Variants in TSHZ2 observed in about 807,000 individuals in gnomAD.
TSHZ2 encodes the protein teashirt zinc finger homeobox 2.
A neutral mutation model predicts 74.4 loss-of-function variants in TSHZ2; 21 were observed. The ratio of observed to expected loss-of-function variants is 0.28; its 90% confidence interval spans 0.20 to 0.41. TSHZ2 has a LOEUF of 0.41. Ranked by LOEUF, TSHZ2 falls within the 10% of genes least tolerant of loss-of-function variation. TSHZ2 has a pLI of 1.00. For synonymous variants in TSHZ2, 540 were observed against 515.3 expected (o/e 1.05, Z -0.65); for missense variants, 1,244 against 1,293.5 (o/e 0.96, Z 0.59).
At chr20:53,115,533 A>G (rs946123653) in intron 1 of TSHZ2, among the ~76,000 whole-genome samples, 7 of 152,174 alleles carry the variant, frequency 4.6e-5, no homozygotes, top group Non-Finnish European at 1.0e-4. Context: ...GAGTCCGTTA[A>G]CCCTCTTTCC....
intron 2 of TSHZ2, among the ~76,000 whole-genome samples, chr20:53,450,781 C>T (rs952271086): frequency 3.3e-4 from 50 of 152,196 alleles, no homozygotes; most frequent in African/African-American, 1.2e-3. Flanking sequence ...CTTGGCCTCT[C>T]AAAGTGCTGG....
intron 2 of TSHZ2, among the ~76,000 whole-genome samples, chr20:53,289,692 G>T (rs539999161): frequency 4.6e-5 from 7 of 152,322 alleles, no homozygotes; most frequent in African/African-American, 1.7e-4. Context: ...GTCTGAGAAA[G>T]GGATGTCTGA....
intron 1 of TSHZ2, among the ~76,000 whole-genome samples, chr20:53,222,036 C>T (rs1003739927): frequency 6.6e-6 from 1 of 152,010 alleles, no homozygotes; most frequent in Non-Finnish European, 1.5e-5. Context: ...GATACATGTC[C>T]CTAAGTATTT....
chr20:53,013,415 G>A (rs1182070371), intron 1 of TSHZ2, among the ~76,000 whole-genome samples: 5 of 152,036 alleles, frequency 3.3e-5, no homozygotes, highest in African/African-American at 9.7e-5. Context: ...TAGAGACAAG[G>A]TACTAAAGAA....
intron 2 of TSHZ2, among the ~76,000 whole-genome samples, chr20:53,362,547 C>G (rs1377955932): frequency 6.6e-6 from 1 of 152,146 alleles, no homozygotes; most frequent in East Asian, 1.9e-4. Context: ...TGAGGGAAGA[C>G]TGTACTTCGT....
intron 1 of TSHZ2, among the ~76,000 whole-genome samples, chr20:53,050,465 T>G (rs1387072304): frequency 2.6e-5 from 4 of 152,166 alleles, no homozygotes; most frequent in Admixed American, 2.6e-4. Flanking sequence ...TTTCTCTTGA[T>G]TGTGTTGATT....
intron 2 of TSHZ2, among the ~76,000 whole-genome samples, chr20:53,338,268 G>A (rs1187234821): frequency 6.6e-6 from 1 of 152,158 alleles, no homozygotes; most frequent in African/African-American, 2.4e-5. Context: ...GGGCTGGGTT[G>A]GAGGAGGATT....
At position 53,256,433 on chromosome 20, in the gene TSHZ2, C is replaced by G. The variant is rs1990485212; in HGVS notation, c.2975C>G (p.Ser992Cys). Residue 992 changes from serine to cysteine, a missense_variant, in exon 2 of 3, where the codon TCT (serine) becomes TGT (cysteine). Around this residue, in one of 6 missense-constraint regions of TSHZ2, gnomAD observed 185 missense variants for 213.3 expected, o/e 0.87. Coordinates refer to ENST00000371497, the MANE Select transcript of TSHZ2 (RefSeq NM_173485.6). This position sits in a 1 kb window ranked among gnomAD's most constrained non-coding sequence, Gnocchi z 4.3. ...ATAGCTGCCGAAGAGGACACAGACT[C>G]TAAATTCAAGTGTAAGTTGTGCTGT... ...ETIAAEEDTD[S>C]KFKCKLCCRT... 6.2e-7 allele frequency: 1 copy of G among 1,614,112 alleles called. No individual in the cohort carries two copies. Among genetic ancestry groups the G allele is most frequent in the Non-Finnish European group, 8.5e-7 (1 of 1,179,982 alleles).
At position 53,084,637 on chromosome 20, in the gene TSHZ2, C is replaced by G. The variant is rs1045900347; in HGVS notation, c.40+111304C>G. The stretch of plus-strand genomic sequence containing the variant: ...TTCCAACCAAACTTCCTCCCTCCCT[C>G]CCTCCCTCTCTCCCTCTCTCCTTCT... On this transcript the variant is annotated intron_variant, in intron 1 of 2. Transcript: ENST00000371497. Among the ~76,000 whole-genome samples, 14 of 116,876 alleles carry G rather than the reference C, an allele frequency of 1.2e-4. 1 individual carries two copies. Among genetic ancestry groups the G allele is most frequent in the African/African-American group, 4.6e-4 (14 of 30,566 alleles). 76.7% of individuals were successfully genotyped at this position (116,876 alleles called of 152,430 possible).
At chr20:53,388,818 A>T (rs1158301766) in intron 2 of TSHZ2, among the ~76,000 whole-genome samples, 2 of 151,980 alleles carry the variant, frequency 1.3e-5, no homozygotes, top group African/African-American at 4.8e-5. Flanking sequence ...CCTGACCTCA[A>T]GTGATCTGCC....
At chr20:53,031,465 G>C (rs1024851946) in intron 1 of TSHZ2, among the ~76,000 whole-genome samples, 1 of 152,188 alleles carries the variant, frequency 6.6e-6, no homozygotes, top group Non-Finnish European at 1.5e-5. Context: ...AACAGTTGAA[G>C]AATTTCAGAT....
intron 1 of TSHZ2, among the ~76,000 whole-genome samples, chr20:53,202,367 G>T (rs893838621): frequency 6.6e-6 from 1 of 152,142 alleles, no homozygotes; most frequent in Non-Finnish European, 1.5e-5. Flanking sequence ...TGGAATCGTC[G>T]CACAGAAAGA....
intron 2 of TSHZ2, among the ~76,000 whole-genome samples, chr20:53,269,959 C>T (rs1009081858): frequency 6.6e-6 from 1 of 152,074 alleles, no homozygotes; most frequent in Non-Finnish European, 1.5e-5. Flanking sequence ...AATATATTCT[C>T]ATATCATCTC....
chr20:53,465,652 G>A (rs924619592), intron 2 of TSHZ2, among the ~76,000 whole-genome samples: 27 of 152,042 alleles, frequency 1.8e-4, no homozygotes, highest in Non-Finnish European at 4.4e-5. Context: ...TACTTCCCAG[G>A]CATGTGCTGT....
At chr20:53,110,706 C>G (rs550643365) in intron 1 of TSHZ2, among the ~76,000 whole-genome samples, 62 of 151,678 alleles carry the variant, frequency 4.1e-4, no homozygotes, top group African/African-American at 1.4e-3. Context: ...ACAGCCATGG[C>G]AGAGAAAAGT....
chr20:53,293,469 A>T (rs1285985916), intron 2 of TSHZ2, among the ~76,000 whole-genome samples: 1 of 152,102 alleles, frequency 6.6e-6, no homozygotes, highest in African/African-American at 2.4e-5. Context: ...TCTCCACCTC[A>T]AAAACAAAAA....
At chr20:53,060,812 G>A (rs1023809230) in intron 1 of TSHZ2, among the ~76,000 whole-genome samples, 11 of 152,174 alleles carry the variant, frequency 7.2e-5, no homozygotes, top group Admixed American at 4.6e-4. Context: ...CATCAAAACC[G>A]TGGATATCAA....
At chr20:53,409,398 T>G (rs1020596451) in intron 2 of TSHZ2, among the ~76,000 whole-genome samples, 2 of 152,148 alleles carry the variant, frequency 1.3e-5, no homozygotes, top group African/African-American at 4.8e-5. Flanking sequence ...CACTGTGTTT[T>G]AAACAAAGAC....
At chr20:53,288,762 A>G (rs888885795) in intron 2 of TSHZ2, among the ~76,000 whole-genome samples, 4 of 152,258 alleles carry the variant, frequency 2.6e-5, no homozygotes, top group African/African-American at 9.6e-5. Context: ...GAAGAGAAAA[A>G]GAAGAGCAAT....
Sources: allele counts gnomAD v4.1 joint callset (sites outside exome capture counted in the v4.1 genomes callset), GRCh38; gene constraint gnomAD v4.1.1; regional missense constraint gnomAD v4.1.1; non-coding constraint Gnocchi (gnomAD v3.1); transcripts MANE v1.5; gene names NCBI Gene and HGNC (gene_info 2026-07-23, HGNC 2026-07-21).